Variants in TCERG1 observed in about 807,000 individuals in gnomAD.
TCERG1 encodes the protein TATA box binding protein (TBP)-associated factor, RNA polymerase II, S, 150kD.
In TCERG1, 37 loss-of-function variants were observed where a neutral mutation model predicts 144.7. That is an observed-to-expected ratio of 0.26 (90% CI 0.20 to 0.34). TCERG1 has a LOEUF of 0.34. Among genes scored for constraint, TCERG1 ranks in the 10% least tolerant of loss-of-function variants. TCERG1 has a pLI of 1.00. For synonymous variants in TCERG1, 492 were observed against 458.2 expected (o/e 1.07, Z -0.94); for missense variants, 1,027 against 1,380.7 (o/e 0.74, Z 4.06).
intron 1 of TCERG1, among the ~76,000 whole-genome samples, chr5:146,449,665 A>T (rs1043497479): frequency 2.6e-5 from 4 of 152,184 alleles, no homozygotes; most frequent in Non-Finnish European, 5.9e-5. Context: ...TTGTATTTCC[A>T]TGATGTTCTT....
At chr5:146,497,609 CTG>C (rs1767053001) in intron 16 of TCERG1, among the ~76,000 whole-genome samples, 1 of 152,140 alleles carries the variant, frequency 6.6e-6, no homozygotes, top group Non-Finnish European at 1.5e-5. Flanking sequence ...TATAGAGACT[CTG>C]GAGTCTGTTA....
chr5:146,452,658 C>T (rs1010134821), intron 1 of TCERG1, among the ~76,000 whole-genome samples: 4 of 152,146 alleles, frequency 2.6e-5, no homozygotes, highest in Non-Finnish European at 5.9e-5. Flanking sequence ...GGCACAATCT[C>T]GGCTCACTGC....
intron 15 of TCERG1, among the ~76,000 whole-genome samples, chr5:146,484,793 CAA>C (rs1373235659): frequency 6.6e-6 from 1 of 152,230 alleles, no homozygotes; most frequent in East Asian, 1.9e-4. Context: ...AATCTACCTT[CAA>C]AAAATTTTCA....
intron 19 of TCERG1, among the ~76,000 whole-genome samples, chr5:146,506,687 T>G (rs1000570099): frequency 2.0e-5 from 3 of 152,234 alleles, no homozygotes; most frequent in African/African-American, 7.2e-5. Flanking sequence ...CCCTAGACTT[T>G]GGTGACCATC....
chr5:146,481,262 A>G, intron 13 of TCERG1, 62 bp downstream of exon 13: 1 of 796,496 alleles, frequency 1.3e-6, no homozygotes, highest in Non-Finnish European at 1.5e-6. Flanking sequence ...TTATTGAGAT[A>G]GATAGTGATA....
chr5:146,507,062 G>T lies in TCERG1; in HGVS notation c.2816G>T (p.Arg939Leu). The T allele has an allele frequency of 6.2e-7, 1 of 1,610,892 alleles. No individual in the cohort carries two copies. The highest frequency in any genetic ancestry group is 8.5e-7 in the Non-Finnish European group (1 of 1,179,078). The change falls in exon 20 of 23, where the codon CGT becomes CTT. Residue 939 changes from arginine to leucine, a missense_variant. This residue lies in a region of TCERG1 where 133 missense variants were observed against 283.2 expected (regional missense o/e 0.47). Transcript: ENST00000679501. The surrounding 1 kb of genome is among the most constrained non-coding windows in gnomAD (Gnocchi z 4.6). Reference protein sequence around the residue: ...RSSDVSWSDTRRTLRKDHRWE... With the variant: ...RSSDVSWSDTLRTLRKDHRWE... ...TCAGATGTGTCATGGTCTGATACTC[G>T]TAGGACCCTCCGAAAAGATCACCGC...
At chr5:146,468,262 A>G (rs930507223) in intron 5 of TCERG1, 79 bp from the exon 6 acceptor site, 2 of 1,125,560 alleles carry the variant, frequency 1.8e-6, no homozygotes, top group Admixed American at 5.7e-5. Context: ...TTGTAGTGGT[A>G]AATTATTTCC....
intron 2 of TCERG1, 79 bp downstream of exon 2, chr5:146,455,360 A>T: frequency 6.8e-7 from 1 of 1,477,786 alleles, no homozygotes; most frequent in South Asian, 1.2e-5. Context: ...AAAAACTTAC[A>T]TTCTTAAATA....
rs1464355696 is a variant in TCERG1, at chr5:146,455,127, C to T, written c.131C>T (p.Pro44Leu). ...CCAAATGCAGTGATGCGAGGCCCAC[C>T]ACCTCTGATGCGACCTCCTCCACCT... Reference protein sequence around the residue: ...PPPNAVMRGPPPLMRPPPPFG... With the variant: ...PPPNAVMRGPLPLMRPPPPFG... Residue 44 changes from proline to leucine, a missense_variant, in exon 2 of 23, where the codon CCA becomes CTA. Pro to Leu is a moderately conservative substitution (Grantham distance 98, BLOSUM62 -3). Coordinates refer to ENST00000679501, the MANE Select transcript of TCERG1 (RefSeq NM_001382548.1). The T allele has an allele frequency of 1.2e-6, 2 of 1,614,094 alleles. No homozygotes were observed. The highest frequency in any genetic ancestry group is 1.7e-6 in the Non-Finnish European group (2 of 1,180,052).
At chr5:146,506,946 T>G (rs1443925072) in intron 19 of TCERG1, 82 bp from the exon 20 acceptor site, 3 of 1,203,448 alleles carry the variant, frequency 2.5e-6, no homozygotes, top group Admixed American at 5.3e-5. Flanking sequence ...CTATTGTGAA[T>G]AATGCTGCAG....
chr5:146,505,021 GGCGACA>G (rs760732560), intron 19 of TCERG1, among the ~76,000 whole-genome samples: 52 of 151,374 alleles, frequency 3.4e-4, no homozygotes, highest in Non-Finnish European at 6.5e-4. Context: ...ACTCCAGCCT[GGCGACA>G]GAGTGAGACT....
intron 19 of TCERG1, among the ~76,000 whole-genome samples, chr5:146,504,917 G>A (rs573550646): frequency 2.1e-4 from 32 of 152,078 alleles, no homozygotes; most frequent in Non-Finnish European, 1.6e-4. Context: ...GTGGTGGTGC[G>A]TGCCTGTAGT....
intron 15 of TCERG1, among the ~76,000 whole-genome samples, chr5:146,486,862 G>T (rs1042640221): frequency 4.6e-5 from 7 of 152,134 alleles, no homozygotes; most frequent in African/African-American, 1.7e-4. Context: ...ATCACATGAG[G>T]TCAGGAGTTC....
chr5:146,472,946 C>T (rs970742065), intron 9 of TCERG1, among the ~76,000 whole-genome samples: 3 of 152,142 alleles, frequency 2.0e-5, no homozygotes, highest in African/African-American at 4.8e-5. Context: ...ATCTCCTGAC[C>T]TCGTGATCCG....
chr5:146,482,833 G>GA (rs1765483657), intron 14 of TCERG1, 106 bp downstream of exon 14: 1 of 1,317,836 alleles, frequency 7.6e-7, no homozygotes, highest in Non-Finnish European at 9.8e-7. Flanking sequence ...TATGGGGGGG[G>GA]ATAAGGGGAT....
chr5:146,460,866 G>A (rs780201652), intron 4 of TCERG1, among the ~76,000 whole-genome samples: 7 of 152,164 alleles, frequency 4.6e-5, no homozygotes, highest in Non-Finnish European at 7.4e-5. Context: ...GTTAAGGGTT[G>A]TTACCTTTTT....
chr5:146,473,758 TTTAC>T (rs1403600563), intron 9 of TCERG1, among the ~76,000 whole-genome samples: 2 of 152,186 alleles, frequency 1.3e-5, no homozygotes, highest in Non-Finnish European at 2.9e-5. Context: ...GATAGCATGG[TTTAC>T]TGAGTTAAGC....
chr5:146,447,939 C>A (rs527390016), intron 1 of TCERG1, among the ~76,000 whole-genome samples: 1 of 152,228 alleles, frequency 6.6e-6, no homozygotes, highest in African/African-American at 2.4e-5. Flanking sequence ...ACTTCTGTGG[C>A]TTTTCTTCCT....
rs1449257176 is a variant in TCERG1, at chr5:146,482,587, T to A, written c.1938-5T>A. ...AGTTGATGTCTTATATTTTATTTTT[T>A]ATAGGAGAGACGATAATAAAGACAT... On this transcript the variant is annotated splice_region_variant and splice_polypyrimidine_tract_variant and intron_variant, in intron 13 of 22. Transcript: ENST00000679501. 1 of 1,602,014 alleles carries A rather than the reference T, an allele frequency of 6.2e-7. No homozygotes were observed. Among genetic ancestry groups the A allele is most frequent in the Non-Finnish European group, 8.5e-7 (1 of 1,175,140 alleles).
Sources: gnomAD v4.1 joint callset for allele counts (sites outside exome capture counted in the v4.1 genomes callset) on GRCh38, gnomAD v4.1.1 for gene constraint, gnomAD v4.1.1 regional missense constraint, Gnocchi (gnomAD v3.1) non-coding constraint, MANE v1.5 for transcripts, NCBI Gene and HGNC (gene_info 2026-07-23, HGNC 2026-07-21) for gene names.